Variants in CBR4 observed in about 807,000 individuals in gnomAD.
The protein encoded by CBR4 is carbonyl reductase 4.
In CBR4, 22 loss-of-function variants were observed where a neutral mutation model predicts 21.0. The observed-to-expected ratio is 1.05, with a 90% CI of 0.75 to 1.50. The LOEUF (loss-of-function observed/expected upper bound fraction) is 1.50, where lower values mean the gene tolerates loss of function less well. CBR4 is among the 40% of genes most tolerant of loss of function. CBR4 has a pLI of 0.00. For synonymous variants in CBR4, 100 were observed against 104.4 expected (o/e 0.96, Z 0.26); for missense variants, 302 against 286.3 (o/e 1.05, Z -0.40).
rs181139537 is a variant in CBR4 at position 168,896,934 on chromosome 4, C to T, written n.170-2169G>A. Among the ~76,000 whole-genome samples the T allele has an allele frequency of 8.7e-3, 1,325 of 152,148 alleles. 15 individuals are homozygous for T. The highest frequency in any genetic ancestry group is 0.03 in the African/African-American group (1,245 of 41,510). ...GCAACCTCTGTCTCCTGGGTTCAAG[C>T]GATTCTCCTGCCTCAGCCTCCCAAG... On this transcript the variant is annotated intron_variant and non_coding_transcript_variant, in intron 2 of 3. Transcript: ENST00000509108.
At chr4:168,922,120 C>T (rs1215274531) in intron 2 of CBR4, among the ~76,000 whole-genome samples, 3 of 149,454 alleles carry the variant, frequency 2.0e-5, no homozygotes, top group South Asian at 2.1e-4. Flanking sequence ...CACACACACA[C>T]ACACACACAC....
At chr4:168,928,299 T>C (rs1400427259) in intron 2 of CBR4, 1 of 176,788 alleles carries the variant, frequency 5.7e-6, no homozygotes, top group Non-Finnish European at 1.2e-5. Flanking sequence ...TAACTAGCAT[T>C]ATTTTGCCAC....
chr4:169,001,812 C>T (rs1001788701), intron 4 of CBR4: 10 of 210,086 alleles, frequency 4.8e-5, no homozygotes, highest in African/African-American at 1.8e-4. Context: ...CCTGCAGGCC[C>T]GAGAGCCAAA....
At chr4:168,900,930 T>G (rs1756378214) in intron 2 of CBR4, among the ~76,000 whole-genome samples, 4 of 152,236 alleles carry the variant, frequency 2.6e-5, no homozygotes, top group African/African-American at 9.6e-5. Context: ...ACACAAGGCT[T>G]AAGATCACTG....
intron 2 of CBR4, among the ~76,000 whole-genome samples, chr4:168,971,816 T>C (rs945323561): frequency 2.0e-5 from 3 of 152,232 alleles, no homozygotes; most frequent in Non-Finnish European, 2.9e-5. Context: ...TCTATTTATC[T>C]TTGTTTTTGT....
At chr4:168,937,166 TAA>T (rs1763135937) in intron 2 of CBR4, among the ~76,000 whole-genome samples, 1 of 152,166 alleles carries the variant, frequency 6.6e-6, no homozygotes, top group South Asian at 2.1e-4. Flanking sequence ...TCAACATTCT[TAA>T]AGAGAAGACT....
chr4:168,945,632 A>C (rs1244191154), intron 2 of CBR4, among the ~76,000 whole-genome samples: 1 of 152,018 alleles, frequency 6.6e-6, no homozygotes, highest in Admixed American at 6.6e-5. Context: ...GGATTATCTG[A>C]TGGGAAAGGC....
chr4:168,923,225 C>G (rs1761933151), intron 2 of CBR4, among the ~76,000 whole-genome samples: 1 of 152,184 alleles, frequency 6.6e-6, no homozygotes, highest in Admixed American at 6.5e-5. Flanking sequence ...CCCAGAATAG[C>G]CTAGGATGGG....
rs72704284 is a variant in CBR4 at position 169,000,219 on chromosome 4, C to T, written c.535+1852G>A. On this transcript the variant is annotated intron_variant, in intron 4 of 4. Coordinates refer to ENST00000306193, the MANE Select transcript of CBR4 (RefSeq NM_032783.5). ...AATCAATCAGCTTGCATAAAGCATACACAAAGAGAAAACAGTGCTAAGATA... is the reference window on the plus strand; with the variant it reads ...AATCAATCAGCTTGCATAAAGCATATACAAAGAGAAAACAGTGCTAAGATA... 1.4e-3 allele frequency among the ~76,000 whole-genome samples: 214 copies of T among 152,178 alleles called. 1 individual carries two copies. The highest frequency in any genetic ancestry group is 5.0e-3 in the African/African-American group (209 of 41,524).
chr4:168,967,821 T>A (rs1764087730), intron 2 of CBR4, among the ~76,000 whole-genome samples: 1 of 152,186 alleles, frequency 6.6e-6, no homozygotes, highest in South Asian at 2.1e-4. Flanking sequence ...GAAGACAGAA[T>A]AATAATAGAC....
At chr4:168,959,780 G>A (rs1384391490) in intron 2 of CBR4, among the ~76,000 whole-genome samples, 1 of 150,416 alleles carries the variant, frequency 6.6e-6, no homozygotes, top group Non-Finnish European at 1.5e-5. Flanking sequence ...GGTCAGGCTG[G>A]TCTCAAACTC....
chr4:168,925,523 C>T (rs1345157934), intron 2 of CBR4: 1 of 493,306 alleles, frequency 2.0e-6, no homozygotes, highest in Non-Finnish European at 3.7e-6. Context: ...TCCTGGAATG[C>T]GTACTTTTGT....
At chr4:168,987,585 G>T, downstream of CBR4, 1 of 869,844 alleles carries the variant, frequency 1.1e-6, no homozygotes, top group South Asian at 5.3e-5. Context: ...ATTAACATCA[G>T]AAAGTTTAAA....
At chr4:168,940,646 A>T (rs1269508749) in intron 2 of CBR4, among the ~76,000 whole-genome samples, 1 of 152,234 alleles carries the variant, frequency 6.6e-6, no homozygotes, top group Non-Finnish European at 1.5e-5. Context: ...CACTTCTCAA[A>T]AGAAGACATT....
chr4:168,976,765 C>A (rs988412297), intron 2 of CBR4, among the ~76,000 whole-genome samples: 1 of 152,126 alleles, frequency 6.6e-6, no homozygotes, highest in Non-Finnish European at 1.5e-5. Context: ...GGTGTATTGT[C>A]ACAAAGTCAA....
At chr4:168,995,298 A>G (rs1046905281) in intron 4 of CBR4, among the ~76,000 whole-genome samples, 14 of 152,282 alleles carry the variant, frequency 9.2e-5, no homozygotes, top group Middle Eastern at 3.4e-3. Flanking sequence ...TTCTGGGTGG[A>G]TGTTAGTTCT....
At chr4:168,924,109 T>C in intron 2 of CBR4, 1 of 681,398 alleles carries the variant, frequency 1.5e-6, no homozygotes. Flanking sequence ...AAGAATAATT[T>C]GGAGAGGGGA....
chr4:168,900,855 A>G (rs1303534905), intron 2 of CBR4, among the ~76,000 whole-genome samples: 2 of 152,248 alleles, frequency 1.3e-5, no homozygotes, highest in African/African-American at 2.4e-5. Flanking sequence ...ACGAAATTCA[A>G]TAAGGAATTA....
In CBR4 at chr4:168,946,485, G is replaced by A. The variant is rs113518270; in HGVS notation, n.170-51720C>T. Among the ~76,000 whole-genome samples, 143 of 152,308 alleles carry A rather than the reference G, an allele frequency of 9.4e-4. 1 individual carries two copies. The highest frequency in any genetic ancestry group is 3.3e-3 in the African/African-American group (138 of 41,576). On this transcript the variant is annotated intron_variant and non_coding_transcript_variant, in intron 2 of 3. Transcript: ENST00000509108. ...GGAGTTTTCAAATGCTGCACCATGTGTGATACTGTAAGATATTGAAGGCAG... is the reference window on the plus strand; with the variant it reads ...GGAGTTTTCAAATGCTGCACCATGTATGATACTGTAAGATATTGAAGGCAG...
Sources: allele counts gnomAD v4.1 joint callset (sites outside exome capture counted in the v4.1 genomes callset), GRCh38; gene constraint gnomAD v4.1.1; transcripts MANE v1.5; gene names NCBI Gene and HGNC (gene_info 2026-07-23, HGNC 2026-07-21).